PLCZ1: variants seen among roughly 807,000 people sequenced by gnomAD.
PLCZ1 encodes the protein phospholipase C zeta 1, also known as 1-phosphatidylinositol 4,5-bisphosphate phosphodiesterase zeta-1.
In PLCZ1, 64 loss-of-function variants were observed where a neutral mutation model predicts 76.8. That is an observed-to-expected ratio of 0.83 (90% CI 0.68 to 1.03). The LOEUF (loss-of-function observed/expected upper bound fraction) is 1.03. Ranked by LOEUF, PLCZ1 falls within the 50% of genes least tolerant of loss-of-function variation. The probability of loss-of-function intolerance (pLI) is 0.00; values close to 1 mark genes in which losing one functional copy is unlikely to be tolerated. For synonymous variants in PLCZ1, 248 were observed against 230.8 expected (o/e 1.07, Z -0.68); for missense variants, 751 against 713.7 (o/e 1.05, Z -0.60).
chr12:18,707,261 C>A (rs577940161), intron 6 of PLCZ1, among the ~76,000 whole-genome samples: 1 of 152,266 alleles, frequency 6.6e-6, no homozygotes, highest in South Asian at 2.1e-4. Context: ...TTGACCTACA[C>A]AATGATCTTC....
intron 12 of PLCZ1, among the ~76,000 whole-genome samples, chr12:18,689,414 A>C (rs758640693): frequency 1.3e-5 from 2 of 152,208 alleles, no homozygotes; most frequent in Non-Finnish European, 2.9e-5. Flanking sequence ...AAATTCATAA[A>C]CTTTCTTAAA....
At position 18,737,968 on chromosome 12, in the gene PLCZ1, T is replaced by G. The variant is rs1316895035; in HGVS notation, c.-175A>C. On this transcript the variant is annotated 5_prime_UTR_variant, in exon 1 of 15. Coordinates refer to ENST00000266505, the MANE Select transcript of PLCZ1 (RefSeq NM_033123.4). ...AAGACTGTTCAGGAGGCTAAGTTCT[T>G]AAAATCTTCAAAAGAGGTATAGCTG... 2 of 378,672 alleles carry G rather than the reference T, an allele frequency of 5.3e-6. No homozygotes were observed. The highest frequency in any genetic ancestry group is 9.5e-6 in the Non-Finnish European group (2 of 211,258). 23.5% of individuals were successfully genotyped at this position (378,672 alleles called of 1,614,324 possible).
intron 6 of PLCZ1, among the ~76,000 whole-genome samples, chr12:18,708,604 T>C (rs1033868803): frequency 2.0e-5 from 3 of 152,174 alleles, no homozygotes; most frequent in African/African-American, 7.2e-5. Context: ...CCATTGGTGG[T>C]ACCAATCTAC....
At chr12:18,682,773 C>G (rs1952550103), downstream of PLCZ1, among the ~76,000 whole-genome samples, 1 of 151,904 alleles carries the variant, frequency 6.6e-6, no homozygotes, top group Admixed American at 6.6e-5. Flanking sequence ...AATGCAGGGG[C>G]TAATTACTCT....
At position 18,723,517 on chromosome 12, in the gene PLCZ1, C is replaced by G; in HGVS notation, c.161G>C (p.Arg54Thr). The G allele has an allele frequency of 6.2e-7, 1 of 1,612,418 alleles. No homozygotes were observed. Among genetic ancestry groups the G allele is most frequent in the Non-Finnish European group, 8.5e-7 (1 of 1,179,314 alleles). ...TGCTCTAAATTCTTCTATGGTGATT[C>G]TTCCTTGTTTCAGCCTGTCATTGTC... ...FKDNDRLKQG[R>T]ITIEEFRAIY... is the part of the protein sequence containing the mutation. Residue 54 changes from arginine (R) to threonine (T), a missense_variant, in exon 4 of 15, where the codon AGA becomes ACA. Transcript: ENST00000266505.
chr12:18,701,048 G>A (rs528778791), intron 9 of PLCZ1, among the ~76,000 whole-genome samples: 134 of 151,148 alleles, frequency 8.9e-4, no homozygotes, highest in African/African-American at 3.2e-3. Flanking sequence ...GCAATGGCTC[G>A]ATCTCGGCTC....
chr12:18,647,792 T>C, the PLCZ1 span: 1 of 700,364 alleles, frequency 1.4e-6, no homozygotes, highest in Non-Finnish European at 2.1e-6. Flanking sequence ...TAGCAGCTAA[T>C]TTTTTTTATT....
intron 12 of PLCZ1, among the ~76,000 whole-genome samples, chr12:18,691,212 C>T (rs534594880): frequency 3.6e-4 from 54 of 152,104 alleles, no homozygotes; most frequent in African/African-American, 1.3e-3. Context: ...AGAATGGTTC[C>T]CAATTTTCTA....
At chr12:18,660,586 C>T in the PLCZ1 span, among the ~76,000 whole-genome samples, 1 of 152,092 alleles carries the variant, frequency 6.6e-6, no homozygotes. Context: ...AAGGTATAGA[C>T]TCAGAAATGA....
intron 10 of PLCZ1, among the ~76,000 whole-genome samples, chr12:18,697,646 C>A (rs1054142667): frequency 5.9e-5 from 9 of 152,220 alleles, no homozygotes; most frequent in South Asian, 4.1e-4. Flanking sequence ...CAACTGATAA[C>A]CACTGATAAC....
At chr12:18,705,357 T>C in intron 6 of PLCZ1, 42 bp from the exon 7 acceptor site, 3 of 1,606,870 alleles carry the variant, frequency 1.9e-6, no homozygotes, top group Non-Finnish European at 2.6e-6. Context: ...TCAAAACTTC[T>C]AAATAATTGT....
In PLCZ1 at chr12:18,730,623, C is replaced by T. The variant is rs1215587810; in HGVS notation, c.135+5598G>A. ...GCTAAACAATAGATCTTCAGGCCTGCTCATGTCCGTAATCATACATTTCAA... is the reference window on the plus strand; with the variant it reads ...GCTAAACAATAGATCTTCAGGCCTGTTCATGTCCGTAATCATACATTTCAA... On this transcript the variant is annotated intron_variant, in intron 3 of 14. Transcript: ENST00000266505. 2.0e-5 allele frequency among the ~76,000 whole-genome samples: 3 copies of T among 152,074 alleles called. No homozygotes were observed. The East Asian group carries it at 5.8e-4, about 29-fold the overall frequency.
At chr12:18,689,211 C>A (rs1252727052) in intron 12 of PLCZ1, among the ~76,000 whole-genome samples, 1 of 152,060 alleles carries the variant, frequency 6.6e-6, no homozygotes, top group Admixed American at 6.5e-5. Flanking sequence ...CGCTAAATAT[C>A]ACTTTACAGG....
At chr12:18,699,451 G>C (rs1955584732) in intron 10 of PLCZ1, among the ~76,000 whole-genome samples, 1 of 152,084 alleles carries the variant, frequency 6.6e-6, no homozygotes, top group Non-Finnish European at 1.5e-5. Context: ...TTCGCTTCCA[G>C]GACAAAGTTC....
the PLCZ1 span, among the ~76,000 whole-genome samples, chr12:18,669,964 G>A: frequency 6.6e-6 from 1 of 151,946 alleles, no homozygotes. Flanking sequence ...CACCGCGCCC[G>A]GCCCTCTTCC....
the PLCZ1 span, among the ~76,000 whole-genome samples, chr12:18,671,798 G>A: frequency 5.3e-5 from 8 of 152,126 alleles, no homozygotes; most frequent in Non-Finnish European, 1.0e-4. Flanking sequence ...CATCCATGGA[G>A]GGGCTACAAA....
intron 7 of PLCZ1, 52 bp downstream of exon 7, chr12:18,705,114 A>T: frequency 6.3e-7 from 1 of 1,594,288 alleles, no homozygotes. Flanking sequence ...TAACAGTGAC[A>T]TGTTTTCATG....
chr12:18,685,142 T>C (rs745949161), intron 13 of PLCZ1, among the ~76,000 whole-genome samples: 10 of 152,012 alleles, frequency 6.6e-5, no homozygotes, highest in Non-Finnish European at 1.5e-4. Context: ...CCATACTTAG[T>C]TGTTAGACTG....
the PLCZ1 span, among the ~76,000 whole-genome samples, chr12:18,677,874 A>G: frequency 4.5e-4 from 69 of 152,140 alleles, no homozygotes; most frequent in African/African-American, 1.5e-3. Context: ...TTGTCATAAA[A>G]CACCTGATAT....
Sources: allele counts gnomAD v4.1 joint callset (sites outside exome capture counted in the v4.1 genomes callset), GRCh38; gene constraint gnomAD v4.1.1; transcripts MANE v1.5; gene names NCBI Gene and HGNC (gene_info 2026-07-23, HGNC 2026-07-21).